The following PLAGL1 variants were observed in gnomAD, a reference collection of about 807,000 sequenced individuals.
The protein encoded by PLAGL1 is zinc finger protein PLAGL1.
A neutral mutation model predicts 4.6 loss-of-function variants in PLAGL1; 1 was observed. That is an observed-to-expected ratio of 0.22 (90% CI 0.08 to 1.03). The LOEUF (loss-of-function observed/expected upper bound fraction) is 1.03. Ranked by LOEUF, PLAGL1 falls within the 50% of genes least tolerant of loss-of-function variation. The pLI is 0.58. For synonymous variants in PLAGL1, 240 were observed against 237.8 expected (o/e 1.01, Z -0.08); for missense variants, 464 against 570.4 (o/e 0.81, Z 1.90).
Position 143,969,636 on chromosome 6 carries a change from T to A in PLAGL1, c.-543-658A>T, listed in dbSNP as rs74975883. On this transcript the variant is annotated intron_variant, in intron 2 of 7. Coordinates refer to ENST00000674357, the MANE Select transcript of PLAGL1 (RefSeq NM_001317162.2). ...TCAATCTCTACCAAAAAAAAAAAAA[T>A]TTTTTTTTTAAGTCAGAACCTTTTT... Among the ~76,000 whole-genome samples the A allele has an allele frequency of 9.0e-3, 1,336 of 148,388 alleles. 14 individuals carry two copies. The highest frequency in any genetic ancestry group is 0.03 in the African/African-American group (1,207 of 40,278).
At position 143,961,825 on chromosome 6, in the gene PLAGL1, C is replaced by T. The variant is rs75760903; in HGVS notation, c.-398-1283G>A. Among the ~76,000 whole-genome samples the T allele has an allele frequency of 2.0e-3, 300 of 152,268 alleles. 4 individuals carry two copies. The highest frequency in any genetic ancestry group is 0.014 in the East Asian group (74 of 5,188). On this transcript the variant is annotated intron_variant, in intron 5 of 7. Transcript: ENST00000674357. The surrounding 1 kb of genome is among the most constrained non-coding windows in gnomAD (Gnocchi z 6.5). Reference sequence around the variant, plus strand: ...CCTTTGCACCTACCCATCTCACAAACGGACAATACCAATTTATGTATTCAA... The same window carrying T: ...CCTTTGCACCTACCCATCTCACAAATGGACAATACCAATTTATGTATTCAA...
rs1785466543 is a variant in PLAGL1, at chr6:143,971,762, A to G, written c.-543-2784T>C. On this transcript the variant is annotated intron_variant, in intron 2 of 7. Transcript: ENST00000674357. The surrounding 1 kb of genome is among the most constrained non-coding windows in gnomAD (Gnocchi z 4.7). The stretch of plus-strand genomic sequence containing the variant: ...GTTTTGACTTTTGCTATTATTTAAC[A>G]TTACATCATAGAATTAAATCATGTA... 6.6e-6 allele frequency among the ~76,000 whole-genome samples: 1 copy of G among 152,254 alleles called. No individual in the cohort carries two copies. The highest frequency in any genetic ancestry group is 1.5e-5 in the Non-Finnish European group (1 of 68,050).
chr6:144,020,524 T>G (rs1421179956), intron 1 of PLAGL1, among the ~76,000 whole-genome samples: 1 of 151,926 alleles, frequency 6.6e-6, no homozygotes, highest in Non-Finnish European at 1.5e-5. Context: ...CCTGACCTTG[T>G]ATCCACCCAC....
chr6:143,974,358 T>G (rs185231326), intron 2 of PLAGL1, among the ~76,000 whole-genome samples: 5 of 149,688 alleles, frequency 3.3e-5, no homozygotes, highest in Admixed American at 6.7e-5. Flanking sequence ...CCTTCCCACG[T>G]GCCCACAGGC....
rs1355299093 is a variant in PLAGL1, at chr6:143,983,929, C to T, written c.-544+1206G>A. 6.6e-5 allele frequency among the ~76,000 whole-genome samples: 10 copies of T among 151,810 alleles called. No individual in the cohort carries two copies. Among genetic ancestry groups the T allele is most frequent in the African/African-American group, 2.2e-4 (9 of 41,308 alleles). ...ATTGAAGGAGAGGAAATCAAGAAAC[C>T]GAGAAGCCAGGCTGTTAAGACTCTA... On this transcript the variant is annotated intron_variant, in intron 2 of 7. Coordinates refer to ENST00000674357, the MANE Select transcript of PLAGL1 (RefSeq NM_001317162.2). This position sits in a 1 kb window ranked among gnomAD's most constrained non-coding sequence, Gnocchi z 6.6.
intron 1 of PLAGL1, among the ~76,000 whole-genome samples, chr6:143,996,445 A>T: frequency 6.6e-6 from 1 of 152,198 alleles, no homozygotes; most frequent in Non-Finnish European, 1.5e-5. Flanking sequence ...CTTTCTTTGT[A>T]ATATAATCTC....
chr6:143,977,215 G>T (rs967467738), intron 2 of PLAGL1, among the ~76,000 whole-genome samples: 1 of 151,660 alleles, frequency 6.6e-6, no homozygotes, highest in South Asian at 2.1e-4. Flanking sequence ...TTCACTCTTG[G>T]TGTTGTACAT....
chr6:143,986,775 C>CA (rs1441493058), intron 1 of PLAGL1, among the ~76,000 whole-genome samples: 1 of 152,186 alleles, frequency 6.6e-6, no homozygotes, highest in Non-Finnish European at 1.5e-5. Context: ...TATCATTCAA[C>CA]AGTGCTTAAA....
At position 143,958,048 on chromosome 6, in the gene PLAGL1, T is replaced by C. The variant is rs902455193; in HGVS notation, c.-325+2421A>G. Reference sequence around the variant, plus strand: ...AGTCATGAAGCAGCATAGGGCAATGTGGAACACGTGGTGCAGCCTGGCTGG... The same window carrying C: ...AGTCATGAAGCAGCATAGGGCAATGCGGAACACGTGGTGCAGCCTGGCTGG... On this transcript the variant is annotated intron_variant, in intron 6 of 7. Transcript: ENST00000674357. This position sits in a 1 kb window ranked among gnomAD's most constrained non-coding sequence, Gnocchi z 5.1. Among the ~76,000 whole-genome samples the C allele has an allele frequency of 3.9e-5, 6 of 152,080 alleles. No individual in the cohort carries two copies. The highest frequency in any genetic ancestry group is 7.4e-5 in the Non-Finnish European group (5 of 68,000).
Position 143,952,964 on chromosome 6 carries a change from T to C in PLAGL1, c.-324-4504A>G, listed in dbSNP as rs1195974248. ...GATATCCAGAACCTCCAGGTAGTCA[T>C]GGCTGCCATGGCTGCAGACCTCACT... On this transcript the variant is annotated intron_variant, in intron 6 of 7. Transcript: ENST00000674357. This position sits in a 1 kb window ranked among gnomAD's most constrained non-coding sequence, Gnocchi z 6.1. 1.3e-5 allele frequency among the ~76,000 whole-genome samples: 2 copies of C among 152,232 alleles called. No individual in the cohort carries two copies. Among genetic ancestry groups the C allele is most frequent in the African/African-American group, 4.8e-5 (2 of 41,466 alleles).
At position 144,034,807 on chromosome 6, in the gene PLAGL1, C is replaced by A. The variant is rs1314485978; in HGVS notation, c.-151+29661G>T. ...TTTCAGATTTGTGGAGTTTTGCAAGCTTTAAGCAAAGTAGATGAACCAGGA... is the reference window on the plus strand; with the variant it reads ...TTTCAGATTTGTGGAGTTTTGCAAGATTTAAGCAAAGTAGATGAACCAGGA... On this transcript the variant is annotated intron_variant, in intron 1 of 3. Transcript: ENST00000437412. The surrounding 1 kb of genome is among the most constrained non-coding windows in gnomAD (Gnocchi z 4.7). 6.6e-6 allele frequency among the ~76,000 whole-genome samples: 1 copy of A among 152,092 alleles called. No homozygotes were observed. The highest frequency in any genetic ancestry group is 2.4e-5 in the African/African-American group (1 of 41,432).
In PLAGL1 at chr6:143,972,763, T is replaced by C. The variant is rs1019369596; in HGVS notation, c.-543-3785A>G. Among the ~76,000 whole-genome samples the C allele has an allele frequency of 1.3e-5, 2 of 152,134 alleles. No homozygotes were observed. The highest frequency in any genetic ancestry group is 2.9e-5 in the Non-Finnish European group (2 of 68,020). ...ATCAATAATGCTTACTGTATCACTGTTTTCTTTCCTCTCAAGGCAAAAATA... is the reference window on the plus strand; with the variant it reads ...ATCAATAATGCTTACTGTATCACTGCTTTCTTTCCTCTCAAGGCAAAAATA... On this transcript the variant is annotated intron_variant, in intron 2 of 7. Coordinates refer to ENST00000674357, the MANE Select transcript of PLAGL1 (RefSeq NM_001317162.2). The surrounding 1 kb of genome is among the most constrained non-coding windows in gnomAD (Gnocchi z 6.8).
In PLAGL1 at chr6:143,994,544, G is replaced by C. The variant is rs746063350; in HGVS notation, c.-583-9370C>G. On this transcript the variant is annotated intron_variant, in intron 1 of 7. Transcript: ENST00000674357. The surrounding 1 kb of genome is among the most constrained non-coding windows in gnomAD (Gnocchi z 4.3). ...CAGTAGCTCTTGAAATCTCAAGTAGGAACGAAATGAAACTAATGGCATTAT... is the reference window on the plus strand; with the variant it reads ...CAGTAGCTCTTGAAATCTCAAGTAGCAACGAAATGAAACTAATGGCATTAT... 1.3e-5 allele frequency among the ~76,000 whole-genome samples: 2 copies of C among 152,280 alleles called. No individual in the cohort carries two copies. The highest frequency in any genetic ancestry group is 4.8e-5 in the African/African-American group (2 of 41,552).
rs141627165 is a variant in PLAGL1 at position 143,941,876 on chromosome 6, C to T, written c.940G>A (p.Ala314Thr). The T allele has an allele frequency of 1.9e-6, 3 of 1,613,894 alleles. No homozygotes were observed. The highest frequency in any genetic ancestry group is 2.5e-6 in the Non-Finnish European group (3 of 1,180,032). Reference protein sequence around the residue: ...NTTSTSYSPLASLPLKADTKG... With the variant: ...NTTSTSYSPLTSLPLKADTKG... Reference sequence around the variant, plus strand: ...GTATCTGCTTTGAGGGGCAGGCTTGCAAGTGGGGAGTATGAGGTAGAAGTG... The same window carrying T: ...GTATCTGCTTTGAGGGGCAGGCTTGTAAGTGGGGAGTATGAGGTAGAAGTG... The change falls in exon 8 of 8, where the codon GCA becomes ACA. Residue 314 changes from alanine to threonine, a missense_variant. Coordinates refer to ENST00000674357, the MANE Select transcript of PLAGL1 (RefSeq NM_001317162.2). The surrounding 1 kb of genome is among the most constrained non-coding windows in gnomAD (Gnocchi z 6.0).
intron 1 of PLAGL1, among the ~76,000 whole-genome samples, chr6:143,996,747 G>A (rs1415563150): frequency 3.3e-5 from 5 of 151,658 alleles, no homozygotes; most frequent in Non-Finnish European, 5.9e-5. Context: ...ACATACTCAG[G>A]CACTTGATTT....
At chr6:143,946,703 A>T (rs1779872841) in intron 7 of PLAGL1, among the ~76,000 whole-genome samples, 1 of 152,216 alleles carries the variant, frequency 6.6e-6, no homozygotes, top group South Asian at 2.1e-4. Context: ...GTCTATGGTA[A>T]TACCAGTCAG....
Position 143,942,563 on chromosome 6 carries a change from C to G in PLAGL1, c.253G>C (p.Asp85His). The G allele has an allele frequency of 6.2e-7, 1 of 1,614,024 alleles. No individual in the cohort carries two copies. The highest frequency in any genetic ancestry group is 8.5e-7 in the Non-Finnish European group (1 of 1,180,012). The change falls in exon 8 of 8, where the codon GAC becomes CAC. Residue 85 changes from aspartate to histidine, a missense_variant. Asp to His is a moderately conservative substitution (Grantham distance 81). This residue lies in a region of PLAGL1 where 161 missense variants were observed against 196.7 expected (regional missense o/e 0.82). Transcript: ENST00000674357. The surrounding 1 kb of genome is among the most constrained non-coding windows in gnomAD (Gnocchi z 7.6). Reference protein sequence around the residue: ...DHLKNHLQTHDPNKMAFGCEE... With the variant: ...DHLKNHLQTHHPNKMAFGCEE... ...CACCCAAAGGCCATTTTGTTGGGGT[C>G]GTGGGTCTGGAGGTGGTTTTTCAGG...
intron 1 of PLAGL1, among the ~76,000 whole-genome samples, chr6:144,018,839 T>C (rs1040583535): frequency 2.8e-4 from 43 of 152,198 alleles, no homozygotes; most frequent in African/African-American, 9.4e-4. Context: ...AATTAAATCT[T>C]AATGATGGAA....
At chr6:144,062,684 T>G (rs142842708) in intron 1 of PLAGL1, among the ~76,000 whole-genome samples, 9 of 152,124 alleles carry the variant, frequency 5.9e-5, no homozygotes, top group African/African-American at 1.9e-4. Context: ...CCGGGTTATA[T>G]TGCAGCCTGT....
Sources: gnomAD v4.1 joint callset for allele counts (sites outside exome capture counted in the v4.1 genomes callset) on GRCh38, gnomAD v4.1.1 for gene constraint, gnomAD v4.1.1 regional missense constraint, Gnocchi (gnomAD v3.1) non-coding constraint, MANE v1.5 for transcripts, NCBI Gene and HGNC (gene_info 2026-07-23, HGNC 2026-07-21) for gene names.